Variants in ADGRL2 observed in about 807,000 individuals in gnomAD.
The protein encoded by ADGRL2 is calcium-independent alpha-latrotoxin receptor 2.
A neutral mutation model predicts 157.4 loss-of-function variants in ADGRL2; 44 were observed. The ratio of observed to expected loss-of-function variants is 0.28; its 90% CI spans 0.22 to 0.36. The LOEUF is 0.36. ADGRL2 is among the 10% of genes least tolerant of loss of function. ADGRL2 has a pLI of 1.00. For synonymous variants in ADGRL2, 585 were observed against 624.7 expected (o/e 0.94, Z 0.95); for missense variants, 1,510 against 1,768.9 (o/e 0.85, Z 2.63).
chr1:81,422,000 A>T (rs2077133848), intron 1 of ADGRL2, among the ~76,000 whole-genome samples: 1 of 152,178 alleles, frequency 6.6e-6, no homozygotes. Context: ...AGTATTACTT[A>T]CAGACTTATT....
chr1:81,430,051 G>A (rs1179679775), intron 1 of ADGRL2, among the ~76,000 whole-genome samples: 4 of 152,050 alleles, frequency 2.6e-5, no homozygotes, highest in Admixed American at 6.6e-5. Flanking sequence ...GCACCGCCAC[G>A]CCTGGCTTAT....
In ADGRL2 at chr1:81,947,789, T is replaced by C. The variant is rs529064812; in HGVS notation, c.1211-2400T>C. ...CTTAAACCTTCCAAAATTCCAGAAA[T>C]TCTATGTGTACCTCTAAAAGATTTA... On this transcript the variant is annotated intron_variant, in intron 6 of 23. Transcript: ENST00000686636. 7.9e-5 allele frequency among the ~76,000 whole-genome samples: 12 copies of C among 152,328 alleles called. No homozygotes were observed. The South Asian group carries it at 2.5e-3, about 32-fold the overall frequency.
intron 1 of ADGRL2, among the ~76,000 whole-genome samples, chr1:81,367,115 G>A (rs947747853): frequency 2.6e-5 from 4 of 152,176 alleles, no homozygotes; most frequent in African/African-American, 9.7e-5. Context: ...TTTCCTGCTA[G>A]CCCTGTTCTT....
Position 81,408,875 on chromosome 1 carries a change from A to C in ADGRL2, c.-301-36161A>C, listed in dbSNP as rs150062940. Among the ~76,000 whole-genome samples the C allele has an allele frequency of 4.6e-3, 702 of 152,318 alleles. 4 individuals are homozygous for C. The highest frequency in any genetic ancestry group is 0.016 in the African/African-American group (667 of 41,580). The stretch of plus-strand genomic sequence containing the variant: ...TAGTTTACATGGGAGGGGCCAAAGA[A>C]ATAAAGCAGCAACAGTTTGTACCAA... On this transcript the variant is annotated intron_variant, in intron 1 of 24. Coordinates refer to the ADGRL2 transcript ENST00000370721.
At chr1:81,688,868 G>A (rs758670366) in intron 3 of ADGRL2, among the ~76,000 whole-genome samples, 20 of 152,134 alleles carry the variant, frequency 1.3e-4, no homozygotes, top group Admixed American at 5.2e-4. Flanking sequence ...GTGTTCCCTT[G>A]ATGTAGTACT....
intron 1 of ADGRL2, among the ~76,000 whole-genome samples, chr1:81,817,070 T>C (rs2090478897): frequency 6.6e-6 from 1 of 151,922 alleles, no homozygotes; most frequent in Non-Finnish European, 1.5e-5. Flanking sequence ...CGTTATACCC[T>C]CTAAGTAATT....
At chr1:81,705,075 CAGA>C (rs975885656) in intron 1 of ADGRL2, among the ~76,000 whole-genome samples, 2 of 152,150 alleles carry the variant, frequency 1.3e-5, no homozygotes, top group Middle Eastern at 6.8e-3. Flanking sequence ...TTTATTGAGA[CAGA>C]GTCCCGCTCT....
chr1:81,452,650 T>A (rs1041735736), intron 2 of ADGRL2, among the ~76,000 whole-genome samples: 23 of 152,222 alleles, frequency 1.5e-4, no homozygotes, highest in Admixed American at 1.3e-4. Flanking sequence ...ATCTCCTGCC[T>A]GTGAGAATAG....
At chr1:81,964,222 A>C (rs1656379769) in intron 11 of ADGRL2, among the ~76,000 whole-genome samples, 1 of 152,090 alleles carries the variant, frequency 6.6e-6, no homozygotes, top group South Asian at 2.1e-4. Flanking sequence ...ATATTTGTTT[A>C]ATGCAATTAA....
intron 3 of ADGRL2, among the ~76,000 whole-genome samples, chr1:81,632,031 T>G (rs2082019921): frequency 6.6e-6 from 1 of 152,194 alleles, no homozygotes; most frequent in African/African-American, 2.4e-5. Context: ...ATAAGAAATA[T>G]TTGATAGCAT....
chr1:81,589,293 G>A (rs982668248), intron 3 of ADGRL2, among the ~76,000 whole-genome samples: 9 of 152,170 alleles, frequency 5.9e-5, no homozygotes, highest in African/African-American at 2.2e-4. Flanking sequence ...CAAAGATGAT[G>A]CCCTGTAGAA....
intron 2 of ADGRL2, chr1:81,505,960 G>A (rs113151160): frequency 5.8e-5 from 13 of 223,134 alleles, no homozygotes; most frequent in Admixed American, 4.6e-4. Flanking sequence ...ATCATTGCAC[G>A]TAAATCAGAT....
At chr1:81,644,652 C>T (rs2082279863) in intron 3 of ADGRL2, among the ~76,000 whole-genome samples, 1 of 152,138 alleles carries the variant, frequency 6.6e-6, no homozygotes, top group Non-Finnish European at 1.5e-5. Context: ...TACATTCATT[C>T]AAACCCATAG....
intron 3 of ADGRL2, among the ~76,000 whole-genome samples, chr1:81,587,639 T>C (rs955964504): frequency 2.0e-5 from 3 of 152,046 alleles, no homozygotes; most frequent in Admixed American, 6.6e-5. Context: ...GGGGACTCCA[T>C]CCAGGAAGCA....
intron 1 of ADGRL2, among the ~76,000 whole-genome samples, chr1:81,759,091 T>C (rs938251372): frequency 2.0e-5 from 3 of 152,184 alleles, no homozygotes; most frequent in African/African-American, 7.2e-5. Flanking sequence ...AGACCTGCAC[T>C]TTAAATATAA....
chr1:81,673,996 A>G (rs551579350), intron 3 of ADGRL2, among the ~76,000 whole-genome samples: 33 of 152,326 alleles, frequency 2.2e-4, no homozygotes, highest in South Asian at 2.1e-4. Context: ...GAAATGACCC[A>G]TGTAAATAAT....
intron 2 of ADGRL2, among the ~76,000 whole-genome samples, chr1:81,457,895 T>C (rs1297111404): frequency 6.6e-6 from 1 of 152,184 alleles, no homozygotes; most frequent in Admixed American, 6.5e-5. Flanking sequence ...GTGCTTCAAT[T>C]TGCCACTATG....
intron 1 of ADGRL2, among the ~76,000 whole-genome samples, chr1:81,310,711 A>G (rs1196366294): frequency 6.6e-6 from 1 of 152,130 alleles, no homozygotes; most frequent in East Asian, 1.9e-4. Context: ...GATGTCGACC[A>G]TTGGTATGGG....
intron 2 of ADGRL2, among the ~76,000 whole-genome samples, chr1:81,495,790 A>G (rs1208035724): frequency 6.6e-6 from 1 of 152,174 alleles, no homozygotes; most frequent in Non-Finnish European, 1.5e-5. Context: ...GTGCAAGAAA[A>G]TGACAGATGC....
Sources: allele counts gnomAD v4.1 joint callset (sites outside exome capture counted in the v4.1 genomes callset), GRCh38; gene constraint gnomAD v4.1.1; transcripts MANE v1.5; gene names NCBI Gene and HGNC (gene_info 2026-07-23, HGNC 2026-07-21).